The following GLRA3 variants were observed in gnomAD, a reference collection of about 807,000 sequenced individuals.
The protein encoded by GLRA3 is glycine receptor alpha 3.
GLRA3 carries 44 observed loss-of-function variants against 60.4 expected under a neutral mutation model. The ratio of observed to expected loss-of-function variants is 0.73; its 90% confidence interval spans 0.57 to 0.94. GLRA3 has a LOEUF of 0.94. Ranked by LOEUF, GLRA3 falls within the 40% of genes least tolerant of loss-of-function variation. GLRA3 has a pLI of 0.00. For missense variants in GLRA3, 508 were observed against 564.6 expected (o/e 0.90, Z 1.02); for synonymous variants, 223 against 192.9 (o/e 1.16, Z -1.29).
intron 5 of GLRA3, among the ~76,000 whole-genome samples, chr4:174,692,820 T>A (rs1307293341): frequency 1.3e-5 from 2 of 151,990 alleles, no homozygotes; most frequent in African/African-American, 4.8e-5. Context: ...CGCGGGGTCC[T>A]CTGCCTAGGA....
intron 2 of GLRA3, among the ~76,000 whole-genome samples, chr4:174,775,857 G>C (rs6819539): frequency 0.049 from 7,451 of 150,674 alleles, 214 homozygotes; most frequent in Admixed American, 0.065. Flanking sequence ...TAAAATTTTA[G>C]TGAGAATAAA....
chr4:174,779,277 C>G (rs904147822), intron 2 of GLRA3, among the ~76,000 whole-genome samples: 2 of 152,104 alleles, frequency 1.3e-5, no homozygotes, highest in African/African-American at 4.8e-5. Flanking sequence ...GGAAAACTAA[C>G]AAACAGAAAG....
chr4:174,692,687 A>G (rs538928737), intron 5 of GLRA3, among the ~76,000 whole-genome samples: 1 of 151,734 alleles, frequency 6.6e-6, no homozygotes, highest in South Asian at 2.1e-4. Context: ...ACTCAGGGTT[A>G]AATGGATTAA....
intron 1 of GLRA3, among the ~76,000 whole-genome samples, chr4:174,817,348 C>A (rs949870374): frequency 1.3e-5 from 2 of 152,202 alleles, no homozygotes; most frequent in Non-Finnish European, 2.9e-5. Flanking sequence ...TTGGCAACCT[C>A]CATTCCAGCC....
At chr4:174,694,184 C>T (rs984566667) in intron 5 of GLRA3, among the ~76,000 whole-genome samples, 2 of 152,116 alleles carry the variant, frequency 1.3e-5, no homozygotes, top group Non-Finnish European at 2.9e-5. Context: ...ATCATCAAGT[C>T]AGAAAAGTAA....
chr4:174,696,104 C>T (rs1240526696), intron 5 of GLRA3, among the ~76,000 whole-genome samples: 1 of 151,634 alleles, frequency 6.6e-6, no homozygotes, highest in Non-Finnish European at 1.5e-5. Context: ...AAGACACAAA[C>T]AAATGGAAAA....
rs1732669638 is a variant in GLRA3, at chr4:174,642,999, TG to T, written c.*786del. On this transcript the variant is annotated 3_prime_UTR_variant, in exon 10 of 10. Transcript: ENST00000274093. The stretch of plus-strand genomic sequence containing the variant: ...ATTAAAAGTCTAACAAAAACAAGGG[TG>T]CTGGCTTGAATTGTTCAATGTTTGG... The T allele has an allele frequency of 1.1e-6, 1 of 907,310 alleles. No homozygotes were observed. The highest frequency in any genetic ancestry group is 1.8e-5 in the African/African-American group (1 of 55,098). The allele number at this position is 907,310 out of a possible 1,614,324, so 56.2% of individuals were successfully genotyped here. A position where few individuals can be genotyped will look rare whatever the true frequency, so the allele number is the denominator to read the frequency against.
At chr4:174,808,534 A>G (rs1301019685) in intron 1 of GLRA3, among the ~76,000 whole-genome samples, 1 of 152,156 alleles carries the variant, frequency 6.6e-6, no homozygotes. Flanking sequence ...TATACTTTTA[A>G]TCTTTATTTT....
At chr4:174,733,072 A>C (rs10011025) in intron 3 of GLRA3, among the ~76,000 whole-genome samples, 1 of 152,064 alleles carries the variant, frequency 6.6e-6, no homozygotes, top group Non-Finnish European at 1.5e-5. Context: ...TTGTGTTATC[A>C]TAAGAATCCT....
intron 5 of GLRA3, among the ~76,000 whole-genome samples, chr4:174,683,563 C>CTGG (rs1734439959): frequency 6.6e-6 from 1 of 152,134 alleles, no homozygotes; most frequent in Non-Finnish European, 1.5e-5. Context: ...ATTGGCCAGG[C>CTGG]TGGTCTCAAA....
At chr4:174,742,158 G>A (rs994841379) in intron 3 of GLRA3, among the ~76,000 whole-genome samples, 2 of 152,068 alleles carry the variant, frequency 1.3e-5, no homozygotes, top group African/African-American at 4.8e-5. Flanking sequence ...AATCTTATTT[G>A]TTAGAAAGCT....
rs565825759 is a variant in GLRA3, at chr4:174,764,653, TA to T, written c.267+2309del. On this transcript the variant is annotated intron_variant, in intron 3 of 9. Coordinates refer to ENST00000274093, the MANE Select transcript of GLRA3 (RefSeq NM_006529.4). ...ACATATATTAGCATTTTTACTGAAT[TA>T]AAAAAATACAGCAATAGAATAATGA... 6.9e-4 allele frequency among the ~76,000 whole-genome samples: 105 copies of T among 152,106 alleles called. No individual in the cohort carries two copies. In the South Asian group the frequency reaches 8.3e-3, roughly 12 times the overall value.
intron 3 of GLRA3, among the ~76,000 whole-genome samples, chr4:174,761,203 A>G (rs1737930479): frequency 6.6e-6 from 1 of 152,082 alleles, no homozygotes; most frequent in African/African-American, 2.4e-5. Flanking sequence ...AAGAATGTCT[A>G]GTAGTTTAAA....
At chr4:174,797,345 A>T (rs529038964) in intron 1 of GLRA3, among the ~76,000 whole-genome samples, 1 of 152,252 alleles carries the variant, frequency 6.6e-6, no homozygotes, top group African/African-American at 2.4e-5. Context: ...ATAGTCTTTT[A>T]TTTATGAATC....
chr4:174,736,115 G>A (rs1352481160), intron 3 of GLRA3, among the ~76,000 whole-genome samples: 1 of 151,946 alleles, frequency 6.6e-6, no homozygotes. Flanking sequence ...ATTTTGAGGT[G>A]GATAAGAGTG....
chr4:174,658,828 G>C (rs1287945337), intron 8 of GLRA3, among the ~76,000 whole-genome samples: 1 of 152,122 alleles, frequency 6.6e-6, no homozygotes, highest in East Asian at 1.9e-4. Flanking sequence ...ACTTGATATA[G>C]GTCCCATGTC....
At chr4:174,818,516 G>A (rs968630492) in intron 1 of GLRA3, among the ~76,000 whole-genome samples, 2 of 152,152 alleles carry the variant, frequency 1.3e-5, no homozygotes, top group African/African-American at 4.8e-5. Context: ...ATAGTCTCAG[G>A]AGGCACCAGC....
chr4:174,642,799 T>TA lies in GLRA3; in HGVS notation c.*986dup. 2.5e-6 allele frequency: 2 copies of TA among 802,454 alleles called. No individual in the cohort carries two copies. The highest frequency in any genetic ancestry group is 3.0e-6 in the Non-Finnish European group (2 of 663,364). 49.7% of individuals were successfully genotyped at this position (802,454 alleles called of 1,614,324 possible). The stretch of plus-strand genomic sequence containing the variant: ...ACATTGATGGGAAAATGGTTTTTAT[T>TA]AAAAAATCTTCCATGAATCCATTTT... On this transcript the variant is annotated 3_prime_UTR_variant, in exon 10 of 10. Coordinates refer to ENST00000274093, the MANE Select transcript of GLRA3 (RefSeq NM_006529.4).
chr4:174,796,600 G>A (rs114074538), intron 1 of GLRA3, among the ~76,000 whole-genome samples: 6 of 151,518 alleles, frequency 4.0e-5, no homozygotes, highest in African/African-American at 7.3e-5. Context: ...GCAGAGGCGC[G>A]ATCTTGGCTG....
Sources: gnomAD v4.1 joint callset for allele counts (sites outside exome capture counted in the v4.1 genomes callset) on GRCh38, gnomAD v4.1.1 for gene constraint, MANE v1.5 for transcripts, NCBI Gene and HGNC (gene_info 2026-07-23, HGNC 2026-07-21) for gene names.